CABP5: variants seen among roughly 807,000 people sequenced by gnomAD.
The protein encoded by CABP5 is calcium-binding protein 5.
CABP5 carries 17 observed loss-of-function variants against 21.9 expected under a neutral mutation model. That is an observed-to-expected ratio of 0.78 (90% CI 0.53 to 1.17). The LOEUF is 1.17. Ranked by LOEUF, CABP5 falls within the 50% of genes most tolerant of loss-of-function variation. CABP5 has a pLI of 0.00. For missense variants in CABP5, 229 were observed against 228.9 expected (o/e 1.00, Z 0.00); for synonymous variants, 85 against 79.4 (o/e 1.07, Z -0.37).
intron 4 of CABP5, among the ~76,000 whole-genome samples, chr19:48,035,260 A>G (rs867395532): frequency 6.6e-6 from 1 of 150,924 alleles, no homozygotes; most frequent in Non-Finnish European, 1.5e-5. Flanking sequence ...AATGTGCTTC[A>G]TGTTTATTCA....
chr19:48,030,549 G>A lies in CABP5; in HGVS notation c.*8C>T, dbSNP rs1485337303. ...AGGTGGAGAGGGTCTGGAGCTTCCA[G>A]GACCTCCTCAGCGAGACATCATCTT... On this transcript the variant is annotated 3_prime_UTR_variant, in exon 6 of 6. Transcript: ENST00000293255. 1 of 1,612,714 alleles carries A rather than the reference G, an allele frequency of 6.2e-7. No individual in the cohort carries two copies. The highest frequency in any genetic ancestry group is 2.2e-5 in the East Asian group (1 of 44,828).
At chr19:48,041,707 T>C (rs1967484232) in intron 1 of CABP5, 104 bp from the exon 2 acceptor site, 1 of 1,029,910 alleles carries the variant, frequency 9.7e-7, no homozygotes, top group African/African-American at 1.7e-5. Flanking sequence ...CGTGGTTCTC[T>C]TTCCATTCTC....
intron 4 of CABP5, among the ~76,000 whole-genome samples, chr19:48,038,593 G>A (rs907136179): frequency 5.3e-5 from 8 of 152,148 alleles, no homozygotes; most frequent in African/African-American, 1.4e-4. Context: ...TTGGGAGACC[G>A]AGGCAGGTGG....
Position 48,029,798 on chromosome 19 carries a change from C to CAGACAGAGAG in CABP5, c.*758_*759insCTCTCTGTCT, listed in dbSNP as rs1555737196. Among the ~76,000 whole-genome samples the CAGACAGAGAG allele has an allele frequency of 8.3e-6, 1 of 120,150 alleles. No homozygotes were observed. The highest frequency in any genetic ancestry group is 1.7e-5 in the Non-Finnish European group (1 of 57,974). The allele number at this position is 120,150 out of a possible 152,430, so 78.8% of individuals were successfully genotyped here. On this transcript the variant is annotated 3_prime_UTR_variant, in exon 6 of 6. Transcript: ENST00000293255. Reference sequence around the variant, plus strand: ...GGGAGGGGAGACAGAGACAGACAGACAGAGAGAGAGAGAGAGAGAGAGAGA... The same window carrying CAGACAGAGAG: ...GGGAGGGGAGACAGAGACAGACAGACAGACAGAGAGAGAGAGAGAGAGAGAGAGAGAGAGA...
intron 5 of CABP5, among the ~76,000 whole-genome samples, chr19:48,033,302 C>T (rs570901608): frequency 7.4e-6 from 1 of 135,190 alleles, no homozygotes; most frequent in African/African-American, 2.5e-5. Context: ...CCATGTCCGG[C>T]CGACATGCCT....
intron 1 of CABP5, among the ~76,000 whole-genome samples, chr19:48,042,425 T>C (rs538826374): frequency 5.9e-5 from 9 of 152,318 alleles, no homozygotes; most frequent in Admixed American, 5.9e-4. Context: ...GGGTTGGGCT[T>C]ACATATACAT....
At chr19:48,033,352 A>G (rs955181929) in intron 5 of CABP5, among the ~76,000 whole-genome samples, 1 of 152,146 alleles carries the variant, frequency 6.6e-6, no homozygotes, top group African/African-American at 2.4e-5. Context: ...CGTCTCATCC[A>G]TGTAGAACCC....
chr19:48,041,681 C>G, intron 1 of CABP5, 78 bp from the exon 2 acceptor site: 1 of 1,322,532 alleles, frequency 7.6e-7, no homozygotes, highest in Non-Finnish European at 1.1e-6. Flanking sequence ...TTCTCCCAAG[C>G]TCCTCCCCAC....
chr19:48,043,816 C>G (rs751820873), intron 1 of CABP5, 44 bp downstream of exon 1: 1 of 1,451,034 alleles, frequency 6.9e-7, no homozygotes, highest in Non-Finnish European at 9.1e-7. Flanking sequence ...ACCCCTGCTC[C>G]CTTTGCCCCG....
Position 48,030,481 on chromosome 19 carries a change from T to C in CABP5, c.*76A>G. 6.7e-7 allele frequency: 1 copy of C among 1,487,992 alleles called. No homozygotes were observed. Among genetic ancestry groups the C allele is most frequent in the Non-Finnish European group, 9.2e-7 (1 of 1,085,974 alleles). 92.2% of individuals were successfully genotyped at this position (1,487,992 alleles called of 1,614,324 possible). A position where few individuals can be genotyped will look rare whatever the true frequency, so the allele number is the denominator to read the frequency against. ...TCTCTGCTTTAAGGGGATCTGGGGCTTTTGGGCTTTGGTTCTCCACAAGCG... is the reference window on the plus strand; with the variant it reads ...TCTCTGCTTTAAGGGGATCTGGGGCCTTTGGGCTTTGGTTCTCCACAAGCG... On this transcript the variant is annotated 3_prime_UTR_variant, in exon 6 of 6. Coordinates refer to ENST00000293255, the MANE Select transcript of CABP5 (RefSeq NM_019855.5).
At chr19:48,033,321 C>A (rs1285191675) in intron 5 of CABP5, among the ~76,000 whole-genome samples, 8 of 152,140 alleles carry the variant, frequency 5.3e-5, no homozygotes, top group Non-Finnish European at 1.2e-4. Flanking sequence ...CTTCCTATGC[C>A]TCACATAAAA....
At chr19:48,034,547 T>TCTTTC (rs71334256) in intron 4 of CABP5, among the ~76,000 whole-genome samples, 185 bp from the exon 5 acceptor site, 3 of 147,222 alleles carry the variant, frequency 2.0e-5, no homozygotes, top group African/African-American at 2.5e-5. Flanking sequence ...TTTCTTTCTT[T>TCTTTC]TTTTTTTTTT....
intron 3 of CABP5, 101 bp downstream of exon 3, chr19:48,040,504 T>G: frequency 7.9e-7 from 1 of 1,260,574 alleles, no homozygotes; most frequent in South Asian, 1.4e-5. Context: ...CCTCTCATCC[T>G]CCTCTCCACC....
chr19:48,039,817 G>A (rs906814276), intron 3 of CABP5, among the ~76,000 whole-genome samples: 5 of 143,980 alleles, frequency 3.5e-5, no homozygotes, highest in Non-Finnish European at 6.0e-5. Flanking sequence ...GGGTTCAAGC[G>A]ATTCTCGTAC....
In CABP5 at chr19:48,029,449, G is replaced by A. The variant is rs966727918; in HGVS notation, c.*1108C>T. Among the ~76,000 whole-genome samples, 5 of 151,974 alleles carry A rather than the reference G, an allele frequency of 3.3e-5. No individual in the cohort carries two copies. Among genetic ancestry groups the A allele is most frequent in the African/African-American group, 4.8e-5 (2 of 41,384 alleles). On this transcript the variant is annotated 3_prime_UTR_variant, in exon 6 of 6. Transcript: ENST00000293255. ...ATTGCTGGAGTGTCTTGCTTTGGGCGGAGGTCAGGAGGAATCTCTCTTTTC... is the reference window on the plus strand; with the variant it reads ...ATTGCTGGAGTGTCTTGCTTTGGGCAGAGGTCAGGAGGAATCTCTCTTTTC...
At chr19:48,041,738 C>G in intron 1 of CABP5, 135 bp from the exon 2 acceptor site, 2 of 755,714 alleles carry the variant, frequency 2.6e-6, no homozygotes, top group Non-Finnish European at 4.2e-6. Flanking sequence ...TCCATCCCTC[C>G]CATTCCTTTT....
intron 5 of CABP5, among the ~76,000 whole-genome samples, chr19:48,033,486 A>G (rs17586769): frequency 0.3 from 45,907 of 152,010 alleles, 7,847 homozygotes; most frequent in Non-Finnish European, 0.38. Flanking sequence ...AATAAACTCT[A>G]GAGATGCCAC....
chr19:48,029,828 G>GAGAGAGAGAGAGAGAGAGAC lies in CABP5; in HGVS notation c.*728_*729insGTCTCTCTCTCTCTCTCTCT, dbSNP rs1224439008. On this transcript the variant is annotated 3_prime_UTR_variant, in exon 6 of 6. Coordinates refer to ENST00000293255, the MANE Select transcript of CABP5 (RefSeq NM_019855.5). ...AGAGAGAGAGAGAGAGAGAGAGAGAGAGAGAGAGAAACCAGACAGTGCTTC... is the reference window on the plus strand; with the variant it reads ...AGAGAGAGAGAGAGAGAGAGAGAGAGAGAGAGAGAGAGAGAGAGACAGAGAGAGAAACCAGACAGTGCTTC... The GAGAGAGAGAGAGAGAGAGAC allele has an allele frequency of 1.1e-4, 17 of 150,526 alleles. No homozygotes were observed. Among genetic ancestry groups the GAGAGAGAGAGAGAGAGAGAC allele is most frequent in the African/African-American group, 4.2e-4 (17 of 40,402 alleles). 9.3% of individuals were successfully genotyped at this position (150,526 alleles called of 1,614,324 possible).
chr19:48,033,446 A>T (rs747117038), intron 5 of CABP5, among the ~76,000 whole-genome samples: 3 of 152,182 alleles, frequency 2.0e-5, no homozygotes, highest in Non-Finnish European at 2.9e-5. Context: ...TGATGAAGGA[A>T]TTGGTCCATG....
Sources: allele counts gnomAD v4.1 joint callset (sites outside exome capture counted in the v4.1 genomes callset), GRCh38; gene constraint gnomAD v4.1.1; transcripts MANE v1.5; gene names NCBI Gene and HGNC (gene_info 2026-07-23, HGNC 2026-07-21).